Variants in CSNK1G1 observed in about 807,000 individuals in gnomAD.
CSNK1G1 encodes casein kinase I isoform gamma-1.
In CSNK1G1, 22 loss-of-function variants were observed where a neutral mutation model predicts 59.6. The ratio of observed to expected loss-of-function variants is 0.37; its 90% CI spans 0.26 to 0.53. The LOEUF (loss-of-function observed/expected upper bound fraction) is 0.53, where lower values mean the gene tolerates loss of function less well. CSNK1G1 is among the 20% of genes least tolerant of loss of function. The pLI is 0.89. For synonymous variants in CSNK1G1, 179 were observed against 177.1 expected (o/e 1.01, Z -0.08); for missense variants, 384 against 519.5 (o/e 0.74, Z 2.54).
At chr15:64,277,810 T>C (rs1211625278) in intron 2 of CSNK1G1, among the ~76,000 whole-genome samples, 3 of 134,430 alleles carry the variant, frequency 2.2e-5, no homozygotes, top group Non-Finnish European at 4.6e-5. Flanking sequence ...TTTAATATAT[T>C]AATATTGATA....
chr15:64,244,827 A>G (rs1290732253), intron 4 of CSNK1G1, among the ~76,000 whole-genome samples: 1 of 151,034 alleles, frequency 6.6e-6, no homozygotes, highest in African/African-American at 2.4e-5. Flanking sequence ...CAAGGCGGGG[A>G]AAAAAAAACA....
intron 1 of CSNK1G1, among the ~76,000 whole-genome samples, chr15:64,338,700 CAA>C (rs34206192): frequency 1.6e-4 from 5 of 31,530 alleles, no homozygotes; most frequent in Non-Finnish European, 1.9e-4. Context: ...AACTCGGTCT[CAA>C]AAAAAAAAAA....
intron 10 of CSNK1G1, chr15:64,181,046 T>C (rs2081806185): frequency 1.9e-6 from 2 of 1,035,188 alleles, no homozygotes; most frequent in East Asian, 2.9e-5. Context: ...CCAGAAACTA[T>C]AAATAATCAC....
At chr15:64,293,236 T>C (rs888902995) in intron 2 of CSNK1G1, among the ~76,000 whole-genome samples, 1 of 152,160 alleles carries the variant, frequency 6.6e-6, no homozygotes, top group Non-Finnish European at 1.5e-5. Flanking sequence ...TCTTAAATCT[T>C]CATAATTCTC....
chr15:64,266,985 G>A (rs1445285028), intron 2 of CSNK1G1, among the ~76,000 whole-genome samples: 2 of 152,170 alleles, frequency 1.3e-5, no homozygotes, highest in Non-Finnish European at 2.9e-5. Flanking sequence ...CAAAAGCAAA[G>A]CAGGCTCATG....
intron 2 of CSNK1G1, among the ~76,000 whole-genome samples, chr15:64,277,424 C>T (rs796948359): frequency 1.1e-4 from 17 of 151,828 alleles, no homozygotes; most frequent in African/African-American, 4.1e-4. Context: ...GTGATTGCAC[C>T]ACTGCACTCC....
chr15:64,208,730 G>A (rs779289564), intron 6 of CSNK1G1, among the ~76,000 whole-genome samples: 1 of 152,186 alleles, frequency 6.6e-6, no homozygotes, highest in African/African-American at 2.4e-5. Flanking sequence ...AAGATGGGAT[G>A]TCGCTATGTT....
chr15:64,186,986 C>A (rs746747407), intron 10 of CSNK1G1, among the ~76,000 whole-genome samples: 1 of 151,826 alleles, frequency 6.6e-6, no homozygotes, highest in Non-Finnish European at 1.5e-5. Flanking sequence ...CCATGCCCAG[C>A]TAATTTTTGT....
chr15:64,231,651 T>A (rs1352688329), intron 4 of CSNK1G1, among the ~76,000 whole-genome samples: 1 of 151,982 alleles, frequency 6.6e-6, no homozygotes, highest in Non-Finnish European at 1.5e-5. Flanking sequence ...CTTCCATTTT[T>A]ATATGTTCAA....
intron 4 of CSNK1G1, among the ~76,000 whole-genome samples, chr15:64,246,281 C>T (rs1040001554): frequency 6.6e-6 from 1 of 152,040 alleles, no homozygotes; most frequent in Non-Finnish European, 1.5e-5. Flanking sequence ...GCTTTCTCTG[C>T]CCAATGAGAT....
intron 4 of CSNK1G1, among the ~76,000 whole-genome samples, chr15:64,244,867 C>T (rs565181507): frequency 2.6e-5 from 4 of 152,168 alleles, no homozygotes; most frequent in South Asian, 2.1e-4. Flanking sequence ...CCACTAATCA[C>T]GCACTACCTG....
At chr15:64,189,815 CTTTTT>C (rs970702567) in intron 10 of CSNK1G1, among the ~76,000 whole-genome samples, 1 of 127,316 alleles carries the variant, frequency 7.9e-6, no homozygotes, top group African/African-American at 3.1e-5. Flanking sequence ...CTACAATTTA[CTTTTT>C]TTTTTTTTTT....
chr15:64,210,697 T>C lies in CSNK1G1; in HGVS notation c.680-3103A>G, dbSNP rs1005766730. Among the ~76,000 whole-genome samples the C allele has an allele frequency of 6.6e-6, 1 of 152,164 alleles. No homozygotes were observed. Among genetic ancestry groups the C allele is most frequent in the Non-Finnish European group, 1.5e-5 (1 of 68,026 alleles). ...ATTTCAACCATTAAATAATATAAAT[T>C]GGGCTTCTCAGTAAAAGCTTAATCA... On this transcript the variant is annotated intron_variant, in intron 6 of 11. Coordinates refer to ENST00000303052, the MANE Select transcript of CSNK1G1 (RefSeq NM_022048.5). The surrounding 1 kb of genome is among the most constrained non-coding windows in gnomAD (Gnocchi z 4.2).
intron 2 of CSNK1G1, among the ~76,000 whole-genome samples, chr15:64,289,692 A>C (rs73462597): frequency 0.026 from 4,015 of 152,318 alleles, 170 homozygotes; most frequent in African/African-American, 0.092. Context: ...CAGGAAACTA[A>C]TATCCAATTA....
intron 6 of CSNK1G1, 52 bp downstream of exon 6, chr15:64,213,835 AAAT>A: frequency 8.2e-7 from 1 of 1,212,534 alleles, no homozygotes; most frequent in South Asian, 1.3e-5. Context: ...AATGTTACAG[AAAT>A]AATAAACTGT....
At chr15:64,260,223 C>A (rs1202427155) in intron 2 of CSNK1G1, among the ~76,000 whole-genome samples, 1 of 152,094 alleles carries the variant, frequency 6.6e-6, no homozygotes, top group Non-Finnish European at 1.5e-5. Context: ...TTCTCAATAC[C>A]CTATGGTGCT....
At chr15:64,311,677 GAAAA>G (rs11371950) in intron 1 of CSNK1G1, among the ~76,000 whole-genome samples, 101 of 108,132 alleles carry the variant, frequency 9.3e-4, no homozygotes, top group East Asian at 2.0e-3. Context: ...TAAAAAAAGT[GAAAA>G]AAAAAAAAAA....
At chr15:64,349,837 G>C (rs1325918678) in intron 1 of CSNK1G1, among the ~76,000 whole-genome samples, 2 of 151,762 alleles carry the variant, frequency 1.3e-5, no homozygotes, top group Non-Finnish European at 2.9e-5. Context: ...CTACTCAGGA[G>C]GTTGAGGTGG....
intron 4 of CSNK1G1, among the ~76,000 whole-genome samples, chr15:64,238,356 T>C (rs1566914178): frequency 1.3e-5 from 2 of 150,970 alleles, no homozygotes; most frequent in Admixed American, 6.6e-5. Context: ...GGCATGGTAG[T>C]GTGCACCTGT....
Sources: allele counts gnomAD v4.1 joint callset (sites outside exome capture counted in the v4.1 genomes callset), GRCh38; gene constraint gnomAD v4.1.1; non-coding constraint Gnocchi (gnomAD v3.1); transcripts MANE v1.5; gene names NCBI Gene and HGNC (gene_info 2026-07-23, HGNC 2026-07-21).